GATB: variants seen among roughly 807,000 people sequenced by gnomAD.
The protein encoded by GATB is glutamyl-tRNA(Gln) amidotransferase subunit B, mitochondrial.
In GATB, 39 loss-of-function variants were observed where a neutral mutation model predicts 62.3. The observed-to-expected ratio is 0.63, with a 90% CI of 0.48 to 0.82. The LOEUF is 0.82. GATB is among the 40% of genes least tolerant of loss of function. The pLI is 0.00. For synonymous variants in GATB, 276 were observed against 258.9 expected (o/e 1.07, Z -0.63); for missense variants, 670 against 684.0 (o/e 0.98, Z 0.23).
intron 5 of GATB, among the ~76,000 whole-genome samples, chr4:151,710,668 G>A (rs562758004): frequency 2.2e-4 from 33 of 152,284 alleles, no homozygotes; most frequent in Admixed American, 3.9e-4. Context: ...TCCTTCCTTC[G>A]TGAATTATCT....
At chr4:151,704,966 G>A (rs1738685002) in intron 7 of GATB, among the ~76,000 whole-genome samples, 1 of 151,856 alleles carries the variant, frequency 6.6e-6, no homozygotes, top group African/African-American at 2.4e-5. Context: ...TAGCCAGGAT[G>A]GTCTCGATCT....
intron 1 of GATB, among the ~76,000 whole-genome samples, chr4:151,760,501 T>C (rs1009969551): frequency 6.6e-6 from 1 of 152,246 alleles, no homozygotes; most frequent in African/African-American, 2.4e-5. Context: ...CCGTCCCCAC[T>C]GCTAGTGCTA....
intron 5 of GATB, among the ~76,000 whole-genome samples, chr4:151,713,347 T>C (rs1350475888): frequency 6.6e-6 from 1 of 152,056 alleles, no homozygotes; most frequent in Non-Finnish European, 1.5e-5. Context: ...CACAGAAAAA[T>C]TGTCTTCCAC....
chr4:151,716,294 TTTTA>T, intron 4 of GATB, 163 bp from the exon 5 acceptor site: 7 of 780,426 alleles, frequency 9.0e-6, no homozygotes, highest in East Asian at 6.1e-5. Flanking sequence ...TTTTTTTTTT[TTTTA>T]AAGAGGCGTC....
chr4:151,749,049 A>C (rs1177751578), intron 2 of GATB, among the ~76,000 whole-genome samples: 1 of 152,220 alleles, frequency 6.6e-6, no homozygotes, highest in Non-Finnish European at 1.5e-5. Context: ...GAACACTTTT[A>C]CACTGTTGGT....
chr4:151,758,532 T>A (rs929989553), intron 2 of GATB, among the ~76,000 whole-genome samples: 1 of 152,224 alleles, frequency 6.6e-6, no homozygotes, highest in African/African-American at 2.4e-5. Context: ...TGTCTGGTAT[T>A]AGTAGACATG....
intron 7 of GATB, among the ~76,000 whole-genome samples, chr4:151,704,696 G>A (rs1033670162): frequency 9.9e-5 from 15 of 151,138 alleles, no homozygotes; most frequent in African/African-American, 3.2e-4. Context: ...CTCGTGATCC[G>A]CCCGCCTCGG....
In GATB at chr4:151,716,973, C is replaced by T; in HGVS notation, c.543G>A (p.Lys181=). ...AGKKQSQVIP[K]TVRIKQIQLE... is the part of the protein sequence containing the mutation. ...ACTGGATCTGCTTGATCCTCACCGTCTTGGGGATCACCTGACTCTGCTTCT... is the reference window on the plus strand; with the variant it reads ...ACTGGATCTGCTTGATCCTCACCGTTTTGGGGATCACCTGACTCTGCTTCT... Residue 181 remains lysine, a synonymous_variant, in exon 4 of 13, where the codon AAG becomes AAA. Transcript: ENST00000263985. 1.2e-6 allele frequency: 2 copies of T among 1,614,114 alleles called. No individual in the cohort carries two copies. The highest frequency in any genetic ancestry group is 8.5e-7 in the Non-Finnish European group (1 of 1,179,988).
chr4:151,751,930 G>C (rs1019488074), intron 2 of GATB, among the ~76,000 whole-genome samples: 1 of 151,958 alleles, frequency 6.6e-6, no homozygotes, highest in African/African-American at 2.4e-5. Context: ...CTCTTCCAAC[G>C]GTCTCATGGT....
chr4:151,688,557 G>C (rs1738298323), intron 10 of GATB, 73 bp downstream of exon 10: 1 of 1,479,008 alleles, frequency 6.8e-7, no homozygotes, highest in African/African-American at 1.4e-5. Flanking sequence ...CAAAAAAATG[G>C]ACCTGCCCTA....
intron 2 of GATB, among the ~76,000 whole-genome samples, chr4:151,736,631 A>G (rs891378800): frequency 1.3e-5 from 2 of 152,212 alleles, no homozygotes; most frequent in African/African-American, 4.8e-5. Context: ...ATGAAGTGGA[A>G]GTATCTGTGC....
chr4:151,689,292 C>T (rs967966365), intron 9 of GATB, among the ~76,000 whole-genome samples: 8 of 152,340 alleles, frequency 5.3e-5, no homozygotes, highest in Admixed American at 4.6e-4. Context: ...ATTCTCACAT[C>T]ATGACAAGAA....
intron 11 of GATB, chr4:151,676,703 A>G (rs1057473011): frequency 6.6e-6 from 1 of 152,228 alleles, no homozygotes; most frequent in Admixed American, 6.5e-5. Flanking sequence ...TTTTGTCTAC[A>G]GTTCCCAGGA....
At position 151,671,065 on chromosome 4, in the gene GATB, A is replaced by T; in HGVS notation, c.*109T>A. ...GCCATAGCTGTGGCTTGGGACAGGG[A>T]TTGAGAGGCAGCTCTCAGGGCACAT... On this transcript the variant is annotated 3_prime_UTR_variant, in exon 13 of 13. Transcript: ENST00000263985. 8.2e-7 allele frequency: 1 copy of T among 1,221,188 alleles called. No homozygotes were observed. The highest frequency in any genetic ancestry group is 1.3e-5 in the South Asian group (1 of 75,268). 75.6% of individuals were successfully genotyped at this position (1,221,188 alleles called of 1,614,324 possible).
At chr4:151,710,016 T>C (rs925438413) in intron 5 of GATB, among the ~76,000 whole-genome samples, 13 of 152,100 alleles carry the variant, frequency 8.5e-5, no homozygotes, top group African/African-American at 2.9e-4. Context: ...ACTGTCCCTC[T>C]CCTCATCCCT....
intron 2 of GATB, among the ~76,000 whole-genome samples, chr4:151,742,807 A>G (rs1739519066): frequency 1.3e-5 from 2 of 152,210 alleles, no homozygotes. Context: ...AAAAATTACA[A>G]AATACACCAG....
chr4:151,739,441 A>T (rs1202899736), intron 2 of GATB, among the ~76,000 whole-genome samples: 2 of 152,192 alleles, frequency 1.3e-5, no homozygotes, highest in Non-Finnish European at 2.9e-5. Flanking sequence ...CAAGATTTTT[A>T]AAAGAGCTGA....
At chr4:151,688,486 T>G in intron 10 of GATB, 144 bp downstream of exon 10, 5 of 725,838 alleles carry the variant, frequency 6.9e-6, no homozygotes, top group Non-Finnish European at 1.1e-5. Context: ...ATATTTAGAA[T>G]GTGGAGTCCA....
chr4:151,683,726 T>C (rs1304688502), intron 10 of GATB, among the ~76,000 whole-genome samples: 7 of 152,238 alleles, frequency 4.6e-5, no homozygotes, highest in Non-Finnish European at 1.0e-4. Context: ...GTAAAAGCAA[T>C]TCTTAGTCAC....
Sources: gnomAD v4.1 joint callset for allele counts (sites outside exome capture counted in the v4.1 genomes callset) on GRCh38, gnomAD v4.1.1 for gene constraint, MANE v1.5 for transcripts, NCBI Gene and HGNC (gene_info 2026-07-23, HGNC 2026-07-21) for gene names.